TMC1: variants seen among roughly 807,000 people sequenced by gnomAD.
TMC1 encodes transmembrane channel like 1.
A neutral mutation model predicts 105.8 loss-of-function variants in TMC1; 84 were observed. The ratio of observed to expected loss-of-function variants is 0.79; its 90% confidence interval spans 0.67 to 0.95. TMC1 has a LOEUF of 0.95. Ranked by LOEUF, TMC1 falls within the 40% of genes least tolerant of loss-of-function variation. The pLI is 0.00. For synonymous variants in TMC1, 315 were observed against 311.5 expected, an observed-to-expected ratio of 1.01 and a Z score of -0.12; for missense variants, 817 against 914.1, an observed-to-expected ratio of 0.89 and a Z score of 1.37.
chr9:72,740,059 T>C (rs1021875514), intron 8 of TMC1, 60 bp from the exon 9 acceptor site: 7 of 1,307,814 alleles, frequency 5.4e-6, no homozygotes, highest in African/African-American at 4.4e-5. Context: ...CCACTACTTC[T>C]GTATTCTAGT....
chr9:72,724,463 C>A (rs1281065626), intron 8 of TMC1, among the ~76,000 whole-genome samples: 1 of 152,214 alleles, frequency 6.6e-6, no homozygotes, highest in Non-Finnish European at 1.5e-5. Flanking sequence ...GGTCCCATCT[C>A]TTACTACTGT....
At chr9:72,578,267 T>TGC (rs1824420644) in intron 2 of TMC1, 1 of 18,340 alleles carries the variant, frequency 5.5e-5, no homozygotes, top group Admixed American at 4.3e-4. Context: ...CGCGCACGCG[T>TGC]GTGTGTGTGT....
intron 8 of TMC1, among the ~76,000 whole-genome samples, chr9:72,729,504 A>G (rs1281532514): frequency 6.6e-6 from 1 of 152,166 alleles, no homozygotes; most frequent in African/African-American, 2.4e-5. Flanking sequence ...ACCAAAGGCA[A>G]TTATCAAGTA....
rs1588047038 is a variant in TMC1, at chr9:72,716,450, A to G, written c.362+15807A>G. Among the ~76,000 whole-genome samples, 2 of 152,200 alleles carry G rather than the reference A, an allele frequency of 1.3e-5. 1 individual carries two copies. The highest frequency in any genetic ancestry group is 1.3e-4 in the Admixed American group (2 of 15,290). On this transcript the variant is annotated intron_variant, in intron 8 of 23. Transcript: ENST00000297784. The stretch of plus-strand genomic sequence containing the variant: ...TGGGGCTGCTGGCTTTTTTTCAGAG[A>G]TGCCCTGGCCACAGAGGAGGGAATC...
chr9:72,791,820 T>C (rs1234147832), intron 15 of TMC1, 66 bp from the exon 16 acceptor site: 11 of 1,421,696 alleles, frequency 7.7e-6, no homozygotes, highest in Non-Finnish European at 9.9e-6. Context: ...CTTCCAAAAT[T>C]CTGGCAAAAA....
chr9:72,802,254 T>TATAC (rs33965711), intron 17 of TMC1, among the ~76,000 whole-genome samples: 4,585 of 149,256 alleles, frequency 0.031, 134 homozygotes, highest in African/African-American at 0.079. Context: ...TACATACATA[T>TATAC]ATACATACAT....
At chr9:72,758,238 AT>A (rs1036978089) in intron 12 of TMC1, among the ~76,000 whole-genome samples, 1 of 152,176 alleles carries the variant, frequency 6.6e-6, no homozygotes, top group African/African-American at 2.4e-5. Context: ...TTGCTTTTAC[AT>A]TTTTGTAAGA....
At chr9:72,549,529 G>A (rs1396652755) in intron 1 of TMC1, among the ~76,000 whole-genome samples, 1 of 150,992 alleles carries the variant, frequency 6.6e-6, no homozygotes, top group African/African-American at 2.4e-5. Flanking sequence ...TGCAACCTCC[G>A]CCTCCCAGTT....
chr9:72,678,947 G>C (rs1163544044), intron 5 of TMC1, among the ~76,000 whole-genome samples: 2 of 152,006 alleles, frequency 1.3e-5, no homozygotes, highest in Admixed American at 1.3e-4. Context: ...TATGTGTTGA[G>C]ATAAAAATTC....
intron 1 of TMC1, among the ~76,000 whole-genome samples, chr9:72,528,908 T>C (rs1051744482): frequency 1.3e-5 from 2 of 151,956 alleles, no homozygotes; most frequent in African/African-American, 2.4e-5. Context: ...TATCCATGGG[T>C]CAAAATTATT....
At chr9:72,627,393 G>A (rs1825366562) in intron 3 of TMC1, among the ~76,000 whole-genome samples, 1 of 152,094 alleles carries the variant, frequency 6.6e-6, no homozygotes, top group Admixed American at 6.5e-5. Flanking sequence ...CAGTGAATGG[G>A]TTGCTAGGAG....
intron 11 of TMC1, among the ~76,000 whole-genome samples, chr9:72,753,826 C>A (rs1827625273): frequency 2.0e-5 from 3 of 152,192 alleles, no homozygotes; most frequent in Admixed American, 2.0e-4. Flanking sequence ...CTGGGCAAGC[C>A]TGAGACCTTG....
intron 19 of TMC1, 75 bp from the exon 20 acceptor site, chr9:72,820,767 C>T (rs1293149014): frequency 1.3e-6 from 2 of 1,587,020 alleles, no homozygotes; most frequent in East Asian, 2.2e-5. Context: ...AGCATGATGT[C>T]AAATAAACAG....
intron 8 of TMC1, among the ~76,000 whole-genome samples, chr9:72,703,253 C>A (rs1417615): frequency 0.56 from 85,581 of 151,742 alleles, 25,502 homozygotes; most frequent in African/African-American, 0.77. Context: ...CAGTCTACCA[C>A]GTACCTGGGA....
intron 2 of TMC1, among the ~76,000 whole-genome samples, chr9:72,582,399 A>G (rs1824490184): frequency 1.3e-5 from 2 of 152,216 alleles, no homozygotes; most frequent in African/African-American, 4.8e-5. Context: ...CCAGCCCACC[A>G]GAATGTTTAA....
intron 5 of TMC1, among the ~76,000 whole-genome samples, chr9:72,653,398 G>A (rs138377762): frequency 1.2e-3 from 190 of 152,230 alleles, no homozygotes; most frequent in South Asian, 6.6e-3. Context: ...TGAAATGTTC[G>A]TCAGTAATGA....
intron 5 of TMC1, among the ~76,000 whole-genome samples, chr9:72,682,941 C>G (rs899909654): frequency 6.6e-6 from 1 of 152,064 alleles, no homozygotes; most frequent in Non-Finnish European, 1.5e-5. Flanking sequence ...CCTACATGGC[C>G]GGAGCAGGAG....
At chr9:72,772,130 T>C (rs565566546) in intron 12 of TMC1, among the ~76,000 whole-genome samples, 1 of 152,244 alleles carries the variant, frequency 6.6e-6, no homozygotes, top group South Asian at 2.1e-4. Flanking sequence ...GATGTTTAAA[T>C]CAAAGGGCAT....
At chr9:72,686,792 G>T (rs1354025324) in intron 5 of TMC1, among the ~76,000 whole-genome samples, 4 of 152,210 alleles carry the variant, frequency 2.6e-5, no homozygotes, top group African/African-American at 9.7e-5. Flanking sequence ...CAAGAGGAGG[G>T]ACTGGGTCAT....
Sources: gnomAD v4.1 joint callset for allele counts (sites outside exome capture counted in the v4.1 genomes callset) on GRCh38, gnomAD v4.1.1 for gene constraint, MANE v1.5 for transcripts, NCBI Gene and HGNC (gene_info 2026-07-23, HGNC 2026-07-21) for gene names.